Variants in TLL1 observed in about 807,000 individuals in gnomAD.
TLL1 encodes tolloid like 1.
Under a neutral mutation model 128.2 loss-of-function variants are expected in TLL1, and 49 were observed. The ratio of observed to expected loss-of-function variants is 0.38; its 90% CI spans 0.30 to 0.48. The LOEUF is 0.48. Among genes scored for constraint, TLL1 ranks in the 20% least tolerant of loss-of-function variants. The pLI is 0.96. For missense variants in TLL1, 1,123 were observed against 1,242.0 expected (o/e 0.90, Z 1.44); for synonymous variants, 454 against 418.8 (o/e 1.08, Z -1.03).
chr4:166,065,275 T>C (rs1740517523), intron 15 of TLL1, among the ~76,000 whole-genome samples: 1 of 152,088 alleles, frequency 6.6e-6, no homozygotes, highest in African/African-American at 2.4e-5. Flanking sequence ...CAAATAATCT[T>C]TTTTATTATA....
intron 19 of TLL1, among the ~76,000 whole-genome samples, chr4:166,096,954 A>C (rs1454732165): frequency 6.6e-6 from 1 of 152,124 alleles, no homozygotes; most frequent in African/African-American, 2.4e-5. Context: ...CGTAGAGTAC[A>C]GATGATGGCA....
intron 5 of TLL1, among the ~76,000 whole-genome samples, chr4:165,997,471 A>T (rs1736938952): frequency 6.6e-6 from 1 of 152,198 alleles, no homozygotes; most frequent in Non-Finnish European, 1.5e-5. Context: ...TAAGAAACAC[A>T]TCTTACCATC....
At chr4:165,981,571 G>A (rs557538000) in intron 1 of TLL1, among the ~76,000 whole-genome samples, 1 of 152,056 alleles carries the variant, frequency 6.6e-6, no homozygotes, top group African/African-American at 2.4e-5. Context: ...AATTTTAAAA[G>A]GACATACCAA....
intron 1 of TLL1, among the ~76,000 whole-genome samples, chr4:165,963,083 G>A (rs983478640): frequency 3.8e-5 from 5 of 132,426 alleles, no homozygotes; most frequent in South Asian, 4.5e-4. Context: ...AAAAAAAAGT[G>A]GTAGCTAAAC....
chr4:166,065,412 A>C (rs998697848), intron 15 of TLL1, among the ~76,000 whole-genome samples: 8 of 152,132 alleles, frequency 5.3e-5, no homozygotes, highest in Non-Finnish European at 8.8e-5. Context: ...GCCATGTATG[A>C]CAAGTATCAT....
chr4:165,913,292 A>T (rs1255837779), intron 1 of TLL1, among the ~76,000 whole-genome samples: 1 of 152,224 alleles, frequency 6.6e-6, no homozygotes, highest in East Asian at 1.9e-4. Flanking sequence ...CATAGTTTAT[A>T]TCCTTATGTT....
rs116817130 is a variant in TLL1, at chr4:165,999,161, C to A, written c.632+3983C>A. On this transcript the variant is annotated intron_variant, in intron 5 of 20. Transcript: ENST00000061240. ...TGTCTTCTGATCCCTCCAAACTGTA[C>A]CAACCACTGCCCGTTACCCAGTTCC... Among the ~76,000 whole-genome samples the A allele has an allele frequency of 7.8e-3, 1,188 of 152,216 alleles. 15 individuals are homozygous for A. The highest frequency in any genetic ancestry group is 0.025 in the African/African-American group (1,041 of 41,516).
At chr4:166,073,266 TG>T (rs1740872602) in intron 16 of TLL1, among the ~76,000 whole-genome samples, 1 of 152,286 alleles carries the variant, frequency 6.6e-6, no homozygotes, top group Non-Finnish European at 1.5e-5. Context: ...GCTGATACCA[TG>T]GTGGTAGGAA....
At chr4:166,033,793 G>A (rs779038390) in intron 9 of TLL1, among the ~76,000 whole-genome samples, 4 of 152,128 alleles carry the variant, frequency 2.6e-5, no homozygotes, top group Non-Finnish European at 4.4e-5. Flanking sequence ...AATCCAAAAT[G>A]TGCAGCGAAG....
At chr4:165,986,128 A>G (rs1486198592) in intron 1 of TLL1, among the ~76,000 whole-genome samples, 1 of 151,946 alleles carries the variant, frequency 6.6e-6, no homozygotes, top group Non-Finnish European at 1.5e-5. Context: ...TTTTGAGGTA[A>G]AATAAATAGA....
chr4:166,036,875 C>T (rs1172614124), intron 9 of TLL1, among the ~76,000 whole-genome samples: 1 of 151,300 alleles, frequency 6.6e-6, no homozygotes. Flanking sequence ...TCCAAATGCA[C>T]TTTTTAATTT....
At chr4:166,045,571 T>A (rs115041979) in intron 12 of TLL1, among the ~76,000 whole-genome samples, 2,287 of 152,200 alleles carry the variant, frequency 0.015, 58 homozygotes, top group African/African-American at 0.05. Context: ...GTTCTTCACC[T>A]CAAAACCAGA....
intron 1 of TLL1, among the ~76,000 whole-genome samples, chr4:165,895,790 T>C (rs1047582905): frequency 1.3e-5 from 2 of 151,986 alleles, no homozygotes. Flanking sequence ...ACAGCTACAG[T>C]ACTCAAGACA....
At chr4:166,056,835 G>A (rs1420081439) in intron 13 of TLL1, among the ~76,000 whole-genome samples, 2 of 152,130 alleles carry the variant, frequency 1.3e-5, no homozygotes, top group Non-Finnish European at 2.9e-5. Flanking sequence ...TGCTCAGTTA[G>A]CAGCAACATG....
At chr4:165,889,411 G>T (rs1234477158) in intron 1 of TLL1, among the ~76,000 whole-genome samples, 1 of 152,118 alleles carries the variant, frequency 6.6e-6, no homozygotes, top group Non-Finnish European at 1.5e-5. Flanking sequence ...GAAGTTTTTT[G>T]AATTATTTGT....
intron 1 of TLL1, among the ~76,000 whole-genome samples, chr4:165,931,927 G>A (rs1733546853): frequency 6.6e-6 from 1 of 152,124 alleles, no homozygotes; most frequent in South Asian, 2.1e-4. Context: ...TGATTAGCAA[G>A]GAGGTCAGGC....
At chr4:166,064,352 T>C (rs990092392) in intron 15 of TLL1, among the ~76,000 whole-genome samples, 2 of 152,070 alleles carry the variant, frequency 1.3e-5, no homozygotes, top group Non-Finnish European at 2.9e-5. Context: ...ATTTATTAAT[T>C]GATAGATATT....
At chr4:165,916,833 A>G (rs1732801237) in intron 1 of TLL1, among the ~76,000 whole-genome samples, 1 of 152,130 alleles carries the variant, frequency 6.6e-6, no homozygotes, top group African/African-American at 2.4e-5. Context: ...TTTGCCCAAG[A>G]ATTTTTGCAT....
At chr4:166,071,351 T>A (rs1008323353) in intron 16 of TLL1, among the ~76,000 whole-genome samples, 11 of 151,930 alleles carry the variant, frequency 7.2e-5, no homozygotes, top group African/African-American at 2.4e-4. Context: ...CCTCTTCCTT[T>A]TTCCTAATGA....
Sources: allele counts gnomAD v4.1 joint callset (sites outside exome capture counted in the v4.1 genomes callset), GRCh38; gene constraint gnomAD v4.1.1; transcripts MANE v1.5; gene names NCBI Gene and HGNC (gene_info 2026-07-23, HGNC 2026-07-21).